The following DLGAP1 variants were observed in gnomAD, a reference collection of about 807,000 sequenced individuals.
The protein encoded by DLGAP1 is disks large-associated protein 1.
Under a neutral mutation model 90.8 loss-of-function variants are expected in DLGAP1, and 11 were observed. The observed-to-expected ratio is 0.12, with a 90% CI of 0.08 to 0.20. The LOEUF (loss-of-function observed/expected upper bound fraction) is 0.20. DLGAP1 is among the 10% of genes least tolerant of loss of function. DLGAP1 has a pLI of 1.00. For synonymous variants in DLGAP1, 558 were observed against 540.7 expected (o/e 1.03, Z -0.44); for missense variants, 1,050 against 1,333.8 (o/e 0.79, Z 3.31).
intron 1 of DLGAP1, among the ~76,000 whole-genome samples, chr18:4,230,197 T>C (rs947278982): frequency 4.6e-5 from 7 of 152,224 alleles, no homozygotes; most frequent in Admixed American, 3.3e-4. Flanking sequence ...TGTAAATTAG[T>C]ACAACCACAA....
intron 9 of DLGAP1, among the ~76,000 whole-genome samples, chr18:3,555,240 A>G (rs2053683167): frequency 6.6e-6 from 1 of 152,154 alleles, no homozygotes; most frequent in African/African-American, 2.4e-5. Flanking sequence ...ATTAACATCA[A>G]TTTCAATGCT....
At chr18:4,389,887 T>G (rs950820735) in intron 1 of DLGAP1, among the ~76,000 whole-genome samples, 1 of 152,238 alleles carries the variant, frequency 6.6e-6, no homozygotes, top group South Asian at 2.1e-4. Flanking sequence ...TAAATATTAC[T>G]GGTGAATAGT....
At chr18:4,048,267 G>A (rs1568368575) in intron 2 of DLGAP1, among the ~76,000 whole-genome samples, 2 of 152,146 alleles carry the variant, frequency 1.3e-5, no homozygotes, top group African/African-American at 2.4e-5. Flanking sequence ...TGTTTTTGAA[G>A]AAATGTAATT....
chr18:4,100,455 A>G (rs1194864870), intron 2 of DLGAP1, among the ~76,000 whole-genome samples: 1 of 152,224 alleles, frequency 6.6e-6, no homozygotes, highest in Non-Finnish European at 1.5e-5. Context: ...TTGTTGTTCC[A>G]TTTATTGAGC....
At chr18:4,320,228 C>T (rs868048383) in intron 1 of DLGAP1, among the ~76,000 whole-genome samples, 8 of 152,154 alleles carry the variant, frequency 5.3e-5, no homozygotes, top group South Asian at 2.1e-4. Context: ...CAGCTGCTTG[C>T]GTCATTTTAG....
In DLGAP1 at chr18:4,317,956, T is replaced by C. The variant is rs199575408; in HGVS notation, c.-267+137050A>G. Among the ~76,000 whole-genome samples the C allele has an allele frequency of 4.6e-5, 7 of 152,154 alleles. No homozygotes were observed. The East Asian group carries it at 1.2e-3, about 25-fold the overall frequency. ...TCCGCCTCGTGGGTTCAAACGATTC[T>C]CCGGCCTCAGCCTCCTGAGTAGCTG... On this transcript the variant is annotated intron_variant, in intron 1 of 12. Transcript: ENST00000315677.
intron 5 of DLGAP1, among the ~76,000 whole-genome samples, chr18:3,810,223 A>G (rs989793807): frequency 6.6e-6 from 1 of 152,174 alleles, no homozygotes; most frequent in Admixed American, 6.5e-5. Flanking sequence ...ATTGTCTCAA[A>G]ACTACTCCTA....
Position 4,378,990 on chromosome 18 carries a change from G to A in DLGAP1, c.-267+76016C>T, listed in dbSNP as rs540286163. Among the ~76,000 whole-genome samples, 6 of 152,194 alleles carry A rather than the reference G, an allele frequency of 3.9e-5. No homozygotes were observed. The highest frequency in any genetic ancestry group is 2.1e-4 in the South Asian group (1 of 4,822). ...TTCACAGCATGTGATCTCCTGTGCC[G>A]CGTGACCACAGTTGATAGGACCAAG... is the stretch of plus-strand genomic sequence containing the variant. On this transcript the variant is annotated intron_variant, in intron 1 of 12. Transcript: ENST00000315677. The surrounding 1 kb of genome is among the most constrained non-coding windows in gnomAD (Gnocchi z 4.5).
At chr18:3,567,960 G>A (rs1164981441) in intron 8 of DLGAP1, among the ~76,000 whole-genome samples, 1 of 151,362 alleles carries the variant, frequency 6.6e-6, no homozygotes, top group African/African-American at 2.4e-5. Flanking sequence ...GTGCTGTGGT[G>A]TGATCTCAGC....
intron 7 of DLGAP1, among the ~76,000 whole-genome samples, chr18:3,697,208 G>C (rs2061125313): frequency 6.6e-6 from 1 of 151,282 alleles, no homozygotes; most frequent in Non-Finnish European, 1.5e-5. Context: ...GTTCTGCTCT[G>C]ATCTATTTCT....
chr18:4,119,574 C>G (rs745646801), intron 2 of DLGAP1, among the ~76,000 whole-genome samples: 1 of 152,138 alleles, frequency 6.6e-6, no homozygotes, highest in Non-Finnish European at 1.5e-5. Flanking sequence ...TTTAGCAATA[C>G]GGAATACGGT....
At chr18:3,924,174 G>T (rs955266470) in intron 3 of DLGAP1, among the ~76,000 whole-genome samples, 2 of 152,166 alleles carry the variant, frequency 1.3e-5, no homozygotes, top group African/African-American at 4.8e-5. Flanking sequence ...ACTCTCTCAC[G>T]TCATATTAGC....
At chr18:3,703,632 C>G (rs2061347656) in intron 7 of DLGAP1, among the ~76,000 whole-genome samples, 1 of 152,156 alleles carries the variant, frequency 6.6e-6, no homozygotes, top group Admixed American at 6.5e-5. Context: ...GACACATTCT[C>G]TGCATTCTTC....
chr18:3,580,127 AAAAT>A, intron 8 of DLGAP1: 1 of 1,107,254 alleles, frequency 9.0e-7, no homozygotes, highest in South Asian at 1.3e-5. Context: ...TTAGAGAACA[AAAAT>A]AATAGCTGCT....
At chr18:4,330,638 ATG>A (rs538993694) in intron 1 of DLGAP1, among the ~76,000 whole-genome samples, 3 of 151,888 alleles carry the variant, frequency 2.0e-5, no homozygotes, top group African/African-American at 7.3e-5. Flanking sequence ...TTATATACAA[ATG>A]TGTTCTTTTG....
At chr18:4,021,577 A>ATTTCT (rs942961252) in intron 2 of DLGAP1, among the ~76,000 whole-genome samples, 8 of 151,860 alleles carry the variant, frequency 5.3e-5, no homozygotes, top group African/African-American at 7.3e-5. Context: ...GGTCTCAGGT[A>ATTTCT]TTTCTTTTCT....
intron 4 of DLGAP1, chr18:3,878,244 T>G (rs1200713333): frequency 2.6e-5 from 4 of 151,978 alleles, no homozygotes; most frequent in African/African-American, 9.7e-5. Context: ...ATGAGAGTTC[T>G]TATGGAAAAA....
At chr18:4,448,558 T>C (rs1009997269) in intron 1 of DLGAP1, among the ~76,000 whole-genome samples, 4 of 152,110 alleles carry the variant, frequency 2.6e-5, no homozygotes, top group Admixed American at 2.6e-4. Flanking sequence ...TATAAAAACA[T>C]GGTGCATGTT....
chr18:3,887,842 C>T (rs2071356417), intron 3 of DLGAP1, among the ~76,000 whole-genome samples: 1 of 152,086 alleles, frequency 6.6e-6, no homozygotes, highest in South Asian at 2.1e-4. Context: ...GGGGCAGTGG[C>T]TCATGCCTGT....
Sources: allele counts gnomAD v4.1 joint callset (sites outside exome capture counted in the v4.1 genomes callset), GRCh38; gene constraint gnomAD v4.1.1; non-coding constraint Gnocchi (gnomAD v3.1); transcripts MANE v1.5; gene names NCBI Gene and HGNC (gene_info 2026-07-23, HGNC 2026-07-21).